The following CDK19 variants were observed in gnomAD, a reference collection of about 807,000 sequenced individuals.
CDK19 encodes cyclin dependent kinase 19.
A neutral mutation model predicts 68.3 loss-of-function variants in CDK19; 20 were observed. The observed-to-expected ratio is 0.29, with a 90% CI of 0.21 to 0.43. CDK19 has a LOEUF of 0.43. Among genes scored for constraint, CDK19 ranks in the 20% least tolerant of loss-of-function variants. The pLI, the probability that CDK19 is intolerant of heterozygous loss-of-function variation, is 1.00. For missense variants in CDK19, 339 were observed against 623.5 expected, an observed-to-expected ratio of 0.54 and a Z score of 4.86; for synonymous variants, 221 against 222.8, an observed-to-expected ratio of 0.99 and a Z score of 0.07.
Position 110,815,255 on chromosome 6 carries a change from G to GCGCC in CDK19, c.-123_-120dup. 3 of 1,154,292 alleles carry GCGCC rather than the reference G, an allele frequency of 2.6e-6. No individual in the cohort carries two copies. The highest frequency in any genetic ancestry group is 3.3e-6 in the Non-Finnish European group (3 of 903,606). The allele number at this position is 1,154,292 out of a possible 1,614,324, so 71.5% of individuals were successfully genotyped here. A position where few individuals can be genotyped will look rare whatever the true frequency, so the allele number is the denominator to read the frequency against. ...ACAGCCGCCTCTCGCGCGCGCGCGC[G>GCGCC]CGCCGCCCGCCGCCCGCCGCTCCGC... On this transcript the variant is annotated 5_prime_UTR_variant, in exon 1 of 13. Transcript: ENST00000368911.
In CDK19 at chr6:110,621,640, G is replaced by C. The variant is rs1778724076; in HGVS notation, c.1111-270C>G. On this transcript the variant is annotated intron_variant, in intron 11 of 12. Coordinates refer to ENST00000368911, the MANE Select transcript of CDK19 (RefSeq NM_015076.5). This position sits in a 1 kb window ranked among gnomAD's most constrained non-coding sequence, Gnocchi z 5.4. Reference sequence around the variant, plus strand: ...ATCAGTCACAGACATCTCACTGAAGGCCACAGGCACATTAGAAATACATTT... The same window carrying C: ...ATCAGTCACAGACATCTCACTGAAGCCCACAGGCACATTAGAAATACATTT... 6.6e-6 allele frequency among the ~76,000 whole-genome samples: 1 copy of C among 152,134 alleles called. No homozygotes were observed. The highest frequency in any genetic ancestry group is 2.4e-5 in the African/African-American group (1 of 41,392).
intron 4 of CDK19, among the ~76,000 whole-genome samples, chr6:110,658,975 A>G (rs1781464801): frequency 6.6e-6 from 1 of 152,232 alleles, no homozygotes; most frequent in Non-Finnish European, 1.5e-5. Context: ...ATTACTTCTC[A>G]GTATTCCCCA....
intron 2 of CDK19, among the ~76,000 whole-genome samples, chr6:110,727,328 T>C (rs1241989461): frequency 6.6e-6 from 1 of 152,114 alleles, no homozygotes; most frequent in Non-Finnish European, 1.5e-5. Flanking sequence ...ACTAATCCTT[T>C]AAAGCCCATC....
intron 12 of CDK19, among the ~76,000 whole-genome samples, chr6:110,619,651 T>A (rs1235186631): frequency 6.6e-6 from 1 of 151,980 alleles, no homozygotes; most frequent in Admixed American, 6.6e-5. Flanking sequence ...CAGGCCTCCC[T>A]TCAGCCTAAT....
chr6:110,697,045 C>T (rs376218838), intron 2 of CDK19, among the ~76,000 whole-genome samples: 27 of 146,076 alleles, frequency 1.8e-4, no homozygotes, highest in African/African-American at 5.1e-4. Flanking sequence ...GGTGACAGAG[C>T]GAAACTCCAT....
intron 2 of CDK19, among the ~76,000 whole-genome samples, chr6:110,714,225 T>C (rs1308946152): frequency 1.3e-5 from 2 of 152,232 alleles, no homozygotes; most frequent in East Asian, 3.8e-4. Context: ...TTTCACATAA[T>C]GTTCTCAAGG....
chr6:110,758,475 A>T (rs1778979108), intron 1 of CDK19, among the ~76,000 whole-genome samples: 3 of 152,278 alleles, frequency 2.0e-5, no homozygotes, highest in Admixed American at 1.3e-4. Flanking sequence ...CCCTTACCCC[A>T]TCCCCAAATG....
intron 2 of CDK19, among the ~76,000 whole-genome samples, chr6:110,736,645 T>C (rs1777274106): frequency 6.6e-6 from 1 of 152,250 alleles, no homozygotes; most frequent in South Asian, 2.1e-4. Flanking sequence ...ATGAAATTTA[T>C]GGTCTTAAGA....
chr6:110,754,042 T>C (rs1011913613), intron 1 of CDK19, among the ~76,000 whole-genome samples: 1 of 151,864 alleles, frequency 6.6e-6, no homozygotes, highest in African/African-American at 2.4e-5. Context: ...TCTTTTTTTT[T>C]TTTTTTAGAC....
At chr6:110,706,348 T>C (rs1384537083) in intron 2 of CDK19, 1 of 150,830 alleles carries the variant, frequency 6.6e-6, no homozygotes, top group East Asian at 2.0e-4. Flanking sequence ...CCACCGTGCA[T>C]GCCCAGCCAA....
intron 2 of CDK19, among the ~76,000 whole-genome samples, chr6:110,671,985 C>T (rs1771047852): frequency 1.3e-5 from 2 of 152,244 alleles, no homozygotes; most frequent in South Asian, 4.2e-4. Flanking sequence ...ACCATGTTGG[C>T]CAGGCTGGTC....
At chr6:110,783,407 GCAGGCAGA>G (rs1414062428) in intron 1 of CDK19, among the ~76,000 whole-genome samples, 1 of 152,134 alleles carries the variant, frequency 6.6e-6, no homozygotes, top group Non-Finnish European at 1.5e-5. Flanking sequence ...GGAAGCCAAG[GCAGGCAGA>G]TCACTAGAGG....
chr6:110,775,294 T>G (rs931244440), intron 1 of CDK19, among the ~76,000 whole-genome samples: 3 of 152,068 alleles, frequency 2.0e-5, no homozygotes, highest in African/African-American at 7.2e-5. Context: ...AAAAATATAC[T>G]TCACAAAATA....
intron 5 of CDK19, among the ~76,000 whole-genome samples, chr6:110,632,558 C>T (rs1779505983): frequency 6.6e-6 from 1 of 152,142 alleles, no homozygotes; most frequent in African/African-American, 2.4e-5. Context: ...TGGTGAAACA[C>T]CATCTCTACT....
chr6:110,709,518 AAAAG>A (rs1007482578), intron 2 of CDK19, among the ~76,000 whole-genome samples: 15 of 152,096 alleles, frequency 9.9e-5, no homozygotes, highest in Non-Finnish European at 1.8e-4. Flanking sequence ...AAAAAAAAAA[AAAAG>A]AAAGGTTTGC....
chr6:110,668,429 T>C (rs1413943199), intron 3 of CDK19, among the ~76,000 whole-genome samples: 1 of 152,224 alleles, frequency 6.6e-6, no homozygotes, highest in Non-Finnish European at 1.5e-5. Flanking sequence ...AGTAATAACA[T>C]TGATTTGATT....
chr6:110,724,742 G>C (rs1293694457), intron 2 of CDK19, among the ~76,000 whole-genome samples: 1 of 152,064 alleles, frequency 6.6e-6, no homozygotes, highest in East Asian at 1.9e-4. Flanking sequence ...TTACATAAAA[G>C]ATCTCTTCTA....
intron 1 of CDK19, among the ~76,000 whole-genome samples, chr6:110,788,125 C>T (rs773225284): frequency 6.6e-5 from 10 of 151,580 alleles, no homozygotes; most frequent in Non-Finnish European, 1.3e-4. Context: ...CAGGTGTGAG[C>T]CACCACACCT....
intron 2 of CDK19, among the ~76,000 whole-genome samples, chr6:110,723,137 A>AT (rs1776042414): frequency 1.0e-5 from 1 of 95,906 alleles, no homozygotes; most frequent in African/African-American, 2.9e-5. Context: ...GGCTTTGTCA[A>AT]AAAAAACAAA....
Sources: allele counts gnomAD v4.1 joint callset (sites outside exome capture counted in the v4.1 genomes callset), GRCh38; gene constraint gnomAD v4.1.1; non-coding constraint Gnocchi (gnomAD v3.1); transcripts MANE v1.5; gene names NCBI Gene and HGNC (gene_info 2026-07-23, HGNC 2026-07-21).